LINGO1: variants seen among roughly 807,000 people sequenced by gnomAD.
LINGO1 encodes leucine-rich repeat and immunoglobulin-like domain-containing nogo receptor-interacting protein 1.
A neutral mutation model predicts 37.3 loss-of-function variants in LINGO1; 11 were observed. The observed-to-expected ratio is 0.29, with a 90% CI of 0.19 to 0.49. The LOEUF is 0.49. Among genes scored for constraint, LINGO1 ranks in the 20% least tolerant of loss-of-function variants. LINGO1 has a pLI of 0.99. For synonymous variants in LINGO1, 387 were observed against 403.0 expected (o/e 0.96, Z 0.48); for missense variants, 585 against 878.2 (o/e 0.67, Z 4.22).
chr15:77,641,746 C>T (rs72546306), intron 3 of LINGO1: 4,325 of 417,474 alleles, frequency 0.01, 29 homozygotes, highest in Non-Finnish European at 0.015. Flanking sequence ...GAGAAGAGGC[C>T]CAGAGACACA....
At chr15:77,711,974 T>A (rs1234965265) in intron 2 of LINGO1, among the ~76,000 whole-genome samples, 3 of 152,146 alleles carry the variant, frequency 2.0e-5, no homozygotes, top group Admixed American at 1.3e-4. Flanking sequence ...CTTCTAGACC[T>A]CAGGTCCAGA....
chr15:77,813,593 G>A (rs1282089597), intron 1 of LINGO1, among the ~76,000 whole-genome samples: 9 of 152,170 alleles, frequency 5.9e-5, no homozygotes, highest in Non-Finnish European at 1.2e-4. Context: ...TGTCCCTATA[G>A]CACCCAGAAC....
At chr15:77,743,649 G>C (rs2076286246) in intron 1 of LINGO1, among the ~76,000 whole-genome samples, 1 of 152,132 alleles carries the variant, frequency 6.6e-6, no homozygotes, top group Non-Finnish European at 1.5e-5. Context: ...AAAAGCAGAG[G>C]CAAAAGCATC....
Position 77,738,176 on chromosome 15 carries a change from G to A in LINGO1, c.-256-3123C>T, listed in dbSNP as rs180803946. 3.2e-3 allele frequency among the ~76,000 whole-genome samples: 483 copies of A among 151,924 alleles called. 2 individuals carry two copies. The highest frequency in any genetic ancestry group is 0.011 in the African/African-American group (464 of 41,424). On this transcript the variant is annotated intron_variant, in intron 1 of 3. Coordinates refer to the LINGO1 transcript ENST00000561686. ...CTGCTTCCCCCAGCTCCTCTGCCCCGCCCTGGCCAGCTCTTGCCTGGATTA... is the reference window on the plus strand; with the variant it reads ...CTGCTTCCCCCAGCTCCTCTGCCCCACCCTGGCCAGCTCTTGCCTGGATTA...
chr15:77,698,876 C>G (rs1202578774), upstream of LINGO1, among the ~76,000 whole-genome samples: 2 of 152,292 alleles, frequency 1.3e-5, no homozygotes, highest in Middle Eastern at 3.4e-3. Context: ...GACGTGCAGG[C>G]AGAGTCCCTG....
chr15:77,650,252 C>T (rs541053027), intron 3 of LINGO1, among the ~76,000 whole-genome samples: 4 of 152,116 alleles, frequency 2.6e-5, no homozygotes, highest in African/African-American at 7.2e-5. Flanking sequence ...GTTTAAGACT[C>T]GAGGCTTTCA....
intron 2 of LINGO1, among the ~76,000 whole-genome samples, chr15:77,730,741 G>A (rs921354096): frequency 6.6e-6 from 1 of 152,240 alleles, no homozygotes; most frequent in African/African-American, 2.4e-5. Flanking sequence ...GGGCCCTCTT[G>A]AGCCTCAGTC....
chr15:77,779,832 C>G (rs537323538), intron 1 of LINGO1, among the ~76,000 whole-genome samples: 1 of 152,312 alleles, frequency 6.6e-6, no homozygotes, highest in African/African-American at 2.4e-5. Flanking sequence ...GATCCTAAAA[C>G]AGTGCCTGGA....
intron 1 of LINGO1, among the ~76,000 whole-genome samples, chr15:77,624,324 C>A (rs2074026526): frequency 6.6e-6 from 1 of 152,020 alleles, no homozygotes; most frequent in African/African-American, 2.4e-5. Flanking sequence ...TTGGGAAGCT[C>A]CATCCTCTCC....
chr15:77,737,674 A>G (rs547511582), intron 1 of LINGO1, among the ~76,000 whole-genome samples: 154 of 151,788 alleles, frequency 1.0e-3, no homozygotes, highest in East Asian at 1.7e-3. Flanking sequence ...GCCAAGCCCA[A>G]TAGTCACTCT....
intron 1 of LINGO1, among the ~76,000 whole-genome samples, chr15:77,622,204 G>C (rs1349193971): frequency 1.3e-5 from 2 of 152,168 alleles, no homozygotes; most frequent in South Asian, 4.1e-4. Context: ...GAGAGCAGGA[G>C]AGGGAAAGAG....
chr15:77,667,987 T>G (rs1479765079), intron 3 of LINGO1: 1 of 152,510 alleles, frequency 6.6e-6, no homozygotes, highest in African/African-American at 2.4e-5. Flanking sequence ...CTAGTGATCC[T>G]GCTCCCAGCC....
chr15:77,680,081 T>C (rs11852919), intron 2 of LINGO1, among the ~76,000 whole-genome samples: 28,890 of 152,236 alleles, frequency 0.19, 2,835 homozygotes, highest in Middle Eastern at 0.28. Flanking sequence ...GTGTCATTGA[T>C]GAGCCAAAGC....
At chr15:77,706,264 C>T (rs570973473) in intron 2 of LINGO1, among the ~76,000 whole-genome samples, 12 of 152,288 alleles carry the variant, frequency 7.9e-5, no homozygotes, top group African/African-American at 2.4e-4. Flanking sequence ...CCACCCAACC[C>T]GGCACCTGTC....
At chr15:77,642,307 A>AC (rs1484317070) in intron 3 of LINGO1, among the ~76,000 whole-genome samples, 1 of 152,074 alleles carries the variant, frequency 6.6e-6, no homozygotes, top group African/African-American at 2.4e-5. Flanking sequence ...GGGGACCCCC[A>AC]CCCCCAGGGA....
upstream of LINGO1, among the ~76,000 whole-genome samples, chr15:77,633,270 G>A (rs938355371): frequency 7.2e-6 from 1 of 138,414 alleles, no homozygotes; most frequent in South Asian, 2.1e-4. Context: ...CGCGCACACC[G>A]TTGTGTGTGA....
intron 1 of LINGO1, among the ~76,000 whole-genome samples, chr15:77,694,287 A>G (rs1853542525): frequency 6.6e-6 from 1 of 152,244 alleles, no homozygotes; most frequent in Middle Eastern, 3.4e-3. Context: ...CTGGATCTGC[A>G]GCCCACACTG....
At chr15:77,705,127 C>T (rs932387542) in intron 2 of LINGO1, among the ~76,000 whole-genome samples, 1 of 148,060 alleles carries the variant, frequency 6.8e-6, no homozygotes, top group Non-Finnish European at 1.5e-5. Flanking sequence ...CACACCTTCC[C>T]TCATGCCACT....
chr15:77,650,622 G>C (rs1249822817), intron 3 of LINGO1, among the ~76,000 whole-genome samples: 1 of 152,192 alleles, frequency 6.6e-6, no homozygotes, highest in Non-Finnish European at 1.5e-5. Flanking sequence ...AGCCACACCT[G>C]CAATGGGGAA....
Sources: allele counts gnomAD v4.1 joint callset (sites outside exome capture counted in the v4.1 genomes callset), GRCh38; gene constraint gnomAD v4.1.1; transcripts MANE v1.5; gene names NCBI Gene and HGNC (gene_info 2026-07-23, HGNC 2026-07-21).